Variants in ZFHX3 observed in about 807,000 individuals in gnomAD.
ZFHX3 encodes zinc finger homeobox 3.
In ZFHX3, 42 loss-of-function variants were observed where a neutral mutation model predicts 279.1. The ratio of observed to expected loss-of-function variants is 0.15; its 90% CI spans 0.12 to 0.19. The LOEUF (loss-of-function observed/expected upper bound fraction) is 0.19. ZFHX3 is among the 10% of genes least tolerant of loss of function. The pLI is 1.00. For missense variants in ZFHX3, 4,981 were observed against 4,754.0 expected, an observed-to-expected ratio of 1.05 and a Z score of -1.40; for synonymous variants, 2,293 against 1,957.8, an observed-to-expected ratio of 1.17 and a Z score of -4.52.
At chr16:73,458,746 T>G (rs1475695485) in intron 2 of ZFHX3, among the ~76,000 whole-genome samples, 1 of 152,202 alleles carries the variant, frequency 6.6e-6, no homozygotes, top group Non-Finnish European at 1.5e-5. Context: ...TGTATGATAG[T>G]TTTCCTTTTT....
At chr16:73,052,160 CAG>C (rs1408440080), upstream of ZFHX3, among the ~76,000 whole-genome samples, 19 of 151,386 alleles carry the variant, frequency 1.3e-4, no homozygotes. Flanking sequence ...AAAAGGGAAA[CAG>C]AAGAGGAAAA....
At chr16:73,018,328 C>G (rs1964180542) in intron 1 of ZFHX3, among the ~76,000 whole-genome samples, 1 of 151,240 alleles carries the variant, frequency 6.6e-6, no homozygotes. Context: ...AACTCTAAGG[C>G]CGGGTGTGGT....
intron 4 of ZFHX3, among the ~76,000 whole-genome samples, chr16:73,300,058 C>A (rs2015015940): frequency 6.6e-6 from 1 of 151,996 alleles, no homozygotes; most frequent in Admixed American, 6.6e-5. Context: ...CTGTTCCTTC[C>A]CAAATGTGCT....
At chr16:72,791,483 A>AGG (rs1290217600) in intron 9 of ZFHX3, 1 of 152,232 alleles carries the variant, frequency 6.6e-6, no homozygotes, top group Non-Finnish European at 1.5e-5. Flanking sequence ...GTGTTGTGGA[A>AGG]GGAGCACATA....
intron 1 of ZFHX3, among the ~76,000 whole-genome samples, chr16:73,690,444 CT>C (rs1461528835): frequency 1.3e-5 from 2 of 152,196 alleles, no homozygotes; most frequent in African/African-American, 4.8e-5. Flanking sequence ...TCCTCAAAAA[CT>C]TTTCAAGGAA....
At chr16:73,715,673 A>C (rs113883241) in intron 1 of ZFHX3, among the ~76,000 whole-genome samples, 3,463 of 150,138 alleles carry the variant, frequency 0.023, 45 homozygotes, top group East Asian at 0.032. Flanking sequence ...CCAGGGTTCA[A>C]GCAATTCTCT....
At chr16:72,928,952 G>A (rs1738547490) in intron 3 of ZFHX3, among the ~76,000 whole-genome samples, 1 of 151,938 alleles carries the variant, frequency 6.6e-6, no homozygotes, top group African/African-American at 2.4e-5. Flanking sequence ...ACAGAATGAG[G>A]CTTGGCTGGG....
At chr16:73,496,426 G>A (rs1025058872) in intron 2 of ZFHX3, among the ~76,000 whole-genome samples, 4 of 152,206 alleles carry the variant, frequency 2.6e-5, no homozygotes, top group Non-Finnish European at 4.4e-5. Context: ...AGCTACTCTG[G>A]AGGCTGGGGC....
intron 1 of ZFHX3, among the ~76,000 whole-genome samples, chr16:73,866,481 A>G (rs896548514): frequency 6.6e-6 from 1 of 151,970 alleles, no homozygotes; most frequent in African/African-American, 2.4e-5. Context: ...TTTTCTCCAA[A>G]CAAGACAAAT....
At chr16:72,815,241 CTACAAAAAT>C (rs1441049439) in intron 5 of ZFHX3, among the ~76,000 whole-genome samples, 3 of 152,020 alleles carry the variant, frequency 2.0e-5, no homozygotes, top group Non-Finnish European at 2.9e-5. Context: ...AACCGCATCT[CTACAAAAAT>C]TACAAAAATT....
intron 1 of ZFHX3, among the ~76,000 whole-genome samples, chr16:72,995,661 A>G (rs1472710166): frequency 6.6e-6 from 1 of 152,162 alleles, no homozygotes; most frequent in Non-Finnish European, 1.5e-5. Flanking sequence ...CATGGTGTGC[A>G]GCAAGAACAC....
intron 1 of ZFHX3, among the ~76,000 whole-genome samples, chr16:73,686,322 C>T (rs1218957728): frequency 2.0e-5 from 3 of 152,100 alleles, no homozygotes; most frequent in African/African-American, 7.2e-5. Flanking sequence ...TCTTGAATTC[C>T]AGACCTCGTG....
chr16:73,866,445 G>A (rs1406612712), intron 1 of ZFHX3, among the ~76,000 whole-genome samples: 1 of 151,816 alleles, frequency 6.6e-6, no homozygotes, highest in African/African-American at 2.4e-5. Flanking sequence ...TTACAGGTAT[G>A]AGCCACCACC....
intron 5 of ZFHX3, among the ~76,000 whole-genome samples, chr16:73,171,738 C>T (rs1967530032): frequency 6.6e-6 from 1 of 152,288 alleles, no homozygotes; most frequent in East Asian, 1.9e-4. Context: ...ATTTTACTAA[C>T]TCTTGTTTAT....
rs75126448 is a variant in ZFHX3 at position 73,076,584 on chromosome 16, G to T, written c.-533+16651C>A. On this transcript the variant is annotated intron_variant, in intron 8 of 17. Transcript: ENST00000641206. ...GTAAATCCAGGGACTCATCATAAAA[G>T]TAATATCATCACTGTTTCTCACAGC... 3.3e-3 allele frequency among the ~76,000 whole-genome samples: 498 copies of T among 152,312 alleles called. 1 individual carries two copies. The highest frequency in any genetic ancestry group is 0.01 in the Middle Eastern group (3 of 294).
At chr16:73,225,200 CTAGTT>C (rs749333631) in intron 5 of ZFHX3, among the ~76,000 whole-genome samples, 9 of 152,096 alleles carry the variant, frequency 5.9e-5, no homozygotes, top group Non-Finnish European at 1.0e-4. Context: ...TGGAGAGGTA[CTAGTT>C]TAAAGAATCC....
At chr16:73,845,001 C>A (rs1023457500) in intron 1 of ZFHX3, among the ~76,000 whole-genome samples, 5 of 151,994 alleles carry the variant, frequency 3.3e-5, no homozygotes, top group Non-Finnish European at 7.4e-5. Flanking sequence ...CTGCTGGAAC[C>A]CAAAATGAGG....
chr16:73,212,600 A>C lies in ZFHX3; in HGVS notation c.-1104+44447T>G, dbSNP rs147202554. Among the ~76,000 whole-genome samples, 3 of 152,310 alleles carry C rather than the reference A, an allele frequency of 2.0e-5. No individual in the cohort carries two copies. In the East Asian group the frequency reaches 5.8e-4, roughly 29 times the overall value. The stretch of plus-strand genomic sequence containing the variant: ...GTTGCAAATGGTCACACGTGTGTGG[A>C]GATATGGAGCCACCTGGATCATTTG... On this transcript the variant is annotated intron_variant, in intron 5 of 17. Transcript: ENST00000641206.
intron 8 of ZFHX3, among the ~76,000 whole-genome samples, chr16:73,076,881 A>G (rs1965891259): frequency 6.7e-6 from 1 of 148,948 alleles, no homozygotes; most frequent in Non-Finnish European, 1.5e-5. Context: ...GTGTGTATAT[A>G]TATATGTATA....
Sources: gnomAD v4.1 joint callset for allele counts (sites outside exome capture counted in the v4.1 genomes callset) on GRCh38, gnomAD v4.1.1 for gene constraint, MANE v1.5 for transcripts, NCBI Gene and HGNC (gene_info 2026-07-23, HGNC 2026-07-21) for gene names.